Variants in BNC2 observed in about 807,000 individuals in gnomAD.
BNC2 encodes basonuclin zinc finger protein 2, also known as zinc finger protein basonuclin-2.
BNC2 carries 20 observed loss-of-function variants against 76.3 expected under a neutral mutation model. That is an observed-to-expected ratio of 0.26 (90% CI 0.18 to 0.38). The LOEUF (loss-of-function observed/expected upper bound fraction) is 0.38, where lower values mean the gene tolerates loss of function less well. Among genes scored for constraint, BNC2 ranks in the 10% least tolerant of loss-of-function variants. The pLI is 1.00. For synonymous variants in BNC2, 582 were observed against 514.8 expected (o/e 1.13, Z -1.77); for missense variants, 1,382 against 1,399.8 (o/e 0.99, Z 0.20).
At chr9:16,450,953 C>G (rs1821327557) in intron 5 of BNC2, among the ~76,000 whole-genome samples, 1 of 152,198 alleles carries the variant, frequency 6.6e-6, no homozygotes, top group Admixed American at 6.5e-5. Flanking sequence ...CCAGTTAAGA[C>G]AGACATCACT....
chr9:16,492,908 T>C (rs955844870), intron 5 of BNC2, among the ~76,000 whole-genome samples: 1 of 152,064 alleles, frequency 6.6e-6, no homozygotes, highest in Non-Finnish European at 1.5e-5. Flanking sequence ...GTAGGTTAAG[T>C]TTTTTACAGG....
At chr9:16,595,138 A>T (rs1404588732) in intron 3 of BNC2, among the ~76,000 whole-genome samples, 1 of 152,164 alleles carries the variant, frequency 6.6e-6, no homozygotes, top group African/African-American at 2.4e-5. Context: ...GAAAACAGTG[A>T]GACAAGATAT....
At chr9:16,625,116 G>A (rs1023043230) in intron 3 of BNC2, among the ~76,000 whole-genome samples, 2 of 152,190 alleles carry the variant, frequency 1.3e-5, no homozygotes, top group East Asian at 1.9e-4. Flanking sequence ...TTGCTTTTCA[G>A]AGAATTATTT....
intron 5 of BNC2, among the ~76,000 whole-genome samples, chr9:16,508,474 CT>C (rs1317304782): frequency 6.6e-6 from 1 of 152,222 alleles, no homozygotes; most frequent in African/African-American, 2.4e-5. Flanking sequence ...GATTCTCTCC[CT>C]ACAAGACGTT....
At chr9:16,752,132 G>A (rs73646210) in intron 1 of BNC2, among the ~76,000 whole-genome samples, 1,958 of 152,136 alleles carry the variant, frequency 0.013, 48 homozygotes, top group African/African-American at 0.045. Context: ...AAGAAATTAC[G>A]TCTTTTAAAA....
intron 1 of BNC2, among the ~76,000 whole-genome samples, chr9:16,849,359 T>TC (rs1171236363): frequency 1.4e-5 from 2 of 139,482 alleles, no homozygotes; most frequent in Non-Finnish European, 3.1e-5. Context: ...AAGATTTTTT[T>TC]TTTTTTTTTT....
chr9:16,803,040 C>T (rs1563950209), intron 1 of BNC2, among the ~76,000 whole-genome samples: 1 of 152,320 alleles, frequency 6.6e-6, no homozygotes, highest in South Asian at 2.1e-4. Context: ...ACTTCATAAT[C>T]TATCTACAAG....
chr9:16,465,447 A>AG (rs1821684666), intron 5 of BNC2, among the ~76,000 whole-genome samples: 2 of 151,522 alleles, frequency 1.3e-5, no homozygotes, highest in South Asian at 4.2e-4. Flanking sequence ...AAAAAAAAAA[A>AG]AAAAAGGGTT....
At chr9:16,491,401 T>C (rs1417715527) in intron 5 of BNC2, among the ~76,000 whole-genome samples, 1 of 152,152 alleles carries the variant, frequency 6.6e-6, no homozygotes, top group Non-Finnish European at 1.5e-5. Context: ...TTCTCAGAAA[T>C]GACAAGATCT....
chr9:16,450,164 T>C (rs557205221), intron 5 of BNC2, among the ~76,000 whole-genome samples: 1 of 152,346 alleles, frequency 6.6e-6, no homozygotes. Flanking sequence ...AAAGTTGCAT[T>C]TGAAATTGTT....
At chr9:16,663,009 C>A (rs777644914) in intron 3 of BNC2, among the ~76,000 whole-genome samples, 1 of 152,112 alleles carries the variant, frequency 6.6e-6, no homozygotes, top group Non-Finnish European at 1.5e-5. Flanking sequence ...TGGTTATACC[C>A]TTTCTGATTA....
rs558563574 is a variant in BNC2, at chr9:16,604,677, C to T, written c.331-21592G>A. On this transcript the variant is annotated intron_variant, in intron 3 of 6. Coordinates refer to ENST00000380672, the MANE Select transcript of BNC2 (RefSeq NM_017637.6). Reference sequence around the variant, plus strand: ...ACAATTAGCCGGGCGTGGTGGTGGGCGCCCGTAATCCCAGCTACTTGGAGG... The same window carrying T: ...ACAATTAGCCGGGCGTGGTGGTGGGTGCCCGTAATCCCAGCTACTTGGAGG... Among the ~76,000 whole-genome samples the T allele has an allele frequency of 9.2e-5, 14 of 151,988 alleles. No homozygotes were observed. The South Asian group carries it at 1.9e-3, about 20-fold the overall frequency.
At position 16,514,122 on chromosome 9, in the gene BNC2, C is replaced by T. The variant is rs150094792; in HGVS notation, c.669+38408G>A. 5.6e-3 allele frequency among the ~76,000 whole-genome samples: 858 copies of T among 152,300 alleles called. 10 individuals are homozygous for T. The highest frequency in any genetic ancestry group is 0.02 in the African/African-American group (819 of 41,566). ...ATCTGAACCACCAAAGTCCTTTCTA[C>T]ACCCTGGTCCAACCCTTCAGTGAAG... is the stretch of plus-strand genomic sequence containing the variant. On this transcript the variant is annotated intron_variant, in intron 5 of 6. Transcript: ENST00000380672.
intron 3 of BNC2, among the ~76,000 whole-genome samples, chr9:16,668,945 T>C (rs73421481): frequency 1.2e-4 from 19 of 152,300 alleles, no homozygotes; most frequent in Middle Eastern, 3.4e-3. Flanking sequence ...TCAATCTGTA[T>C]GTGAGTAAGT....
intron 3 of BNC2, among the ~76,000 whole-genome samples, chr9:16,690,118 A>G (rs1823111595): frequency 6.6e-6 from 1 of 152,182 alleles, no homozygotes; most frequent in African/African-American, 2.4e-5. Context: ...CCCCAGACTA[A>G]GACTCAGAAG....
chr9:16,641,405 A>C (rs1321983231), intron 3 of BNC2, among the ~76,000 whole-genome samples: 1 of 152,162 alleles, frequency 6.6e-6, no homozygotes, highest in East Asian at 1.9e-4. Flanking sequence ...AAACACAAAA[A>C]TCTACACCAA....
chr9:16,773,360 T>C (rs1042080254), intron 1 of BNC2, among the ~76,000 whole-genome samples: 21 of 152,162 alleles, frequency 1.4e-4, no homozygotes, highest in African/African-American at 5.1e-4. Flanking sequence ...CAAAAAGCCT[T>C]TTTTCCCCTC....
rs79577860 is a variant in BNC2, at chr9:16,475,358, A to C, written c.670-37834T>G. Among the ~76,000 whole-genome samples, 98 of 152,296 alleles carry C rather than the reference A, an allele frequency of 6.4e-4. 2 individuals are homozygous for C. In the East Asian group the frequency reaches 0.013, roughly 20 times the overall value. ...ATGTCAAAAGTTATTTTAGAAACTC[A>C]CACTATGTTGCTATGGTGCATGCTG... On this transcript the variant is annotated intron_variant, in intron 5 of 6. Coordinates refer to ENST00000380672, the MANE Select transcript of BNC2 (RefSeq NM_017637.6).
chr9:16,458,913 T>C (rs1055494605), intron 5 of BNC2, among the ~76,000 whole-genome samples: 1 of 152,132 alleles, frequency 6.6e-6, no homozygotes, highest in Non-Finnish European at 1.5e-5. Flanking sequence ...AATGAGCAAA[T>C]ACATGCACCG....
Sources: gnomAD v4.1 joint callset for allele counts (sites outside exome capture counted in the v4.1 genomes callset) on GRCh38, gnomAD v4.1.1 for gene constraint, MANE v1.5 for transcripts, NCBI Gene and HGNC (gene_info 2026-07-23, HGNC 2026-07-21) for gene names.